Variants in VPS54 observed in about 807,000 individuals in gnomAD.
The protein encoded by VPS54 is VPS54 subunit of GARP complex.
A neutral mutation model predicts 121.5 loss-of-function variants in VPS54; 45 were observed. The observed-to-expected ratio is 0.37, with a 90% CI of 0.29 to 0.47. VPS54 has a LOEUF of 0.47. Among genes scored for constraint, VPS54 ranks in the 20% least tolerant of loss-of-function variants. The pLI, the probability that VPS54 is intolerant of heterozygous loss-of-function variation, is 0.99. For missense variants in VPS54, 1,090 were observed against 1,131.4 expected (o/e 0.96, Z 0.52); for synonymous variants, 371 against 385.8 (o/e 0.96, Z 0.45).
At chr2:63,950,310 T>C (rs1675179961) in intron 7 of VPS54, among the ~76,000 whole-genome samples, 1 of 152,192 alleles carries the variant, frequency 6.6e-6, no homozygotes, top group Non-Finnish European at 1.5e-5. Context: ...TCCATAGCAC[T>C]GATAATCCTT....
At chr2:63,928,187 GAAC>G (rs1674004593) in intron 12 of VPS54, among the ~76,000 whole-genome samples, 3 of 152,116 alleles carry the variant, frequency 2.0e-5, no homozygotes, top group African/African-American at 7.2e-5. Flanking sequence ...TTCTTGAGAA[GAAC>G]AACCCCAAGA....
chr2:63,987,299 C>T (rs984030965), intron 1 of VPS54, among the ~76,000 whole-genome samples: 1 of 152,174 alleles, frequency 6.6e-6, no homozygotes, highest in Admixed American at 6.5e-5. Context: ...TTTCCCAGCA[C>T]AATTTATTGA....
Position 63,913,324 on chromosome 2 carries a change from G to A in VPS54, c.2335-14C>T, listed in dbSNP as rs1389122325. 1.9e-6 allele frequency: 3 copies of A among 1,594,770 alleles called. No individual in the cohort carries two copies. The highest frequency in any genetic ancestry group is 2.3e-5 in the East Asian group (1 of 44,016). ...TGAATTGAAGTACTAACAAAAGAAG[G>A]AGAAAAAAACCCCAAAATTTACTAA... is the stretch of plus-strand genomic sequence containing the variant. On this transcript the variant is annotated splice_polypyrimidine_tract_variant and intron_variant, in intron 17 of 22. Coordinates refer to ENST00000272322, the MANE Select transcript of VPS54 (RefSeq NM_016516.3).
At chr2:63,908,962 A>G (rs1673018226) in intron 20 of VPS54, among the ~76,000 whole-genome samples, 1 of 152,200 alleles carries the variant, frequency 6.6e-6, no homozygotes, top group Non-Finnish European at 1.5e-5. Flanking sequence ...TAAAATTTCT[A>G]CCAACATGTT....
rs1675643376 is a variant in VPS54, at chr2:63,959,323, TCTTC to T, written c.1010+2731_1010+2734del. 2.0e-5 allele frequency among the ~76,000 whole-genome samples: 3 copies of T among 152,334 alleles called. No individual in the cohort carries two copies. The South Asian group carries it at 6.2e-4, about 32-fold the overall frequency. On this transcript the variant is annotated intron_variant, in intron 7 of 22. Transcript: ENST00000272322. ...AACTACTTCACGTATGATTCAGTAT[TCTTC>T]CTTGACTATAAAAACATTTTCTTTT...
chr2:63,916,028 A>T (rs1673366524), intron 16 of VPS54, among the ~76,000 whole-genome samples: 1 of 152,188 alleles, frequency 6.6e-6, no homozygotes, highest in Non-Finnish European at 1.5e-5. Flanking sequence ...ACACTTGACA[A>T]GAAGAAAAGT....
intron 1 of VPS54, among the ~76,000 whole-genome samples, chr2:64,003,594 T>C (rs1174265820): frequency 6.6e-6 from 1 of 152,112 alleles, no homozygotes; most frequent in Non-Finnish European, 1.5e-5. Context: ...ATGAATGAAA[T>C]GGATGGTATG....
At chr2:63,934,333 A>G (rs1674354462) in intron 11 of VPS54, among the ~76,000 whole-genome samples, 1 of 152,206 alleles carries the variant, frequency 6.6e-6, no homozygotes, top group African/African-American at 2.4e-5. Flanking sequence ...CTTGCCCATC[A>G]GAGAATCATA....
intron 12 of VPS54, among the ~76,000 whole-genome samples, chr2:63,928,532 C>A (rs537677452): frequency 3.9e-5 from 6 of 152,306 alleles, no homozygotes; most frequent in African/African-American, 1.4e-4. Flanking sequence ...AAAGGAACAA[C>A]TGGTACCAGA....
At position 63,913,266 on chromosome 2, in the gene VPS54, T is replaced by G. The variant is rs1315711549; in HGVS notation, c.2379A>C (p.Ala793=). 6.2e-7 allele frequency: 1 copy of G among 1,611,368 alleles called. No individual in the cohort carries two copies. The highest frequency in any genetic ancestry group is 1.1e-5 in the South Asian group (1 of 90,604). The change falls in exon 18 of 23, where the codon GCA becomes GCC. Residue 793 remains alanine, a synonymous_variant. Transcript: ENST00000272322. The stretch of plus-strand genomic sequence containing the variant: ...TCGTTTTTAGTCCAACAACTTGCAG[T>G]GCACCAGCTCCAAGAACTAACTGGC... ...RSCQLVLGAG[A]LQVVGLKTIT... is the part of the protein sequence containing the mutation.
chr2:63,912,505 T>C (rs777167594), intron 19 of VPS54, 35 bp downstream of exon 19: 2 of 1,610,850 alleles, frequency 1.2e-6, no homozygotes, highest in East Asian at 4.5e-5. Flanking sequence ...GATCTAAACT[T>C]ATGAAACGCC....
chr2:63,925,683 A>T (rs972460154), intron 12 of VPS54, among the ~76,000 whole-genome samples: 1 of 152,256 alleles, frequency 6.6e-6, no homozygotes. Context: ...TGCTACATGT[A>T]ACAACCTGGA....
chr2:63,979,276 G>C (rs1676694906), intron 3 of VPS54, among the ~76,000 whole-genome samples: 1 of 139,510 alleles, frequency 7.2e-6, no homozygotes, highest in African/African-American at 2.7e-5. Flanking sequence ...GTCTCGCTCT[G>C]TCACCCAGGC....
chr2:63,967,317 A>G (rs1465299110), intron 5 of VPS54, among the ~76,000 whole-genome samples: 3 of 152,174 alleles, frequency 2.0e-5, no homozygotes, highest in Non-Finnish European at 4.4e-5. Context: ...AATTCAATAA[A>G]TATTTACTGA....
At position 63,912,429 on chromosome 2, in the gene VPS54, C is replaced by G; in HGVS notation, c.2545-4G>C. ...CAGCTATGTGATCATGGTAGTCCTG[C>G]AATGAGAAATGATAATTGTATTTTT... On this transcript the variant is annotated splice_region_variant and splice_polypyrimidine_tract_variant and intron_variant, in intron 19 of 22. Transcript: ENST00000272322. 2 of 1,612,182 alleles carry G rather than the reference C, an allele frequency of 1.2e-6. No individual in the cohort carries two copies. Among genetic ancestry groups the G allele is most frequent in the Non-Finnish European group, 1.7e-6 (2 of 1,178,970 alleles).
intron 21 of VPS54, among the ~76,000 whole-genome samples, chr2:63,898,591 C>T (rs1473966123): frequency 6.6e-6 from 1 of 152,074 alleles, no homozygotes; most frequent in Non-Finnish European, 1.5e-5. Flanking sequence ...AAGAAAGCCA[C>T]CCTCTGCTCC....
chr2:63,909,406 T>C (rs1673036034), intron 20 of VPS54, among the ~76,000 whole-genome samples: 1 of 149,318 alleles, frequency 6.7e-6, no homozygotes, highest in South Asian at 2.1e-4. Flanking sequence ...CCTTACTTAT[T>C]AGCTGCCTTT....
At chr2:63,975,123 G>A (rs1676465358) in intron 3 of VPS54, 2 of 1,202,092 alleles carry the variant, frequency 1.7e-6, no homozygotes, top group East Asian at 2.6e-5. Flanking sequence ...TTGGTTCACT[G>A]CAACCTCCAC....
chr2:63,988,544 A>G (rs897227892), intron 1 of VPS54, among the ~76,000 whole-genome samples: 2 of 152,210 alleles, frequency 1.3e-5, no homozygotes, highest in Non-Finnish European at 2.9e-5. Flanking sequence ...TAGTTCTCCA[A>G]ATTAATACTT....
Sources: allele counts gnomAD v4.1 joint callset (sites outside exome capture counted in the v4.1 genomes callset), GRCh38; gene constraint gnomAD v4.1.1; transcripts MANE v1.5; gene names NCBI Gene and HGNC (gene_info 2026-07-23, HGNC 2026-07-21).